The following NPTN variants were observed in gnomAD, a reference collection of about 807,000 sequenced individuals.
NPTN encodes the protein SDR-1.
A neutral mutation model predicts 42.7 loss-of-function variants in NPTN; 5 were observed. That is an observed-to-expected ratio of 0.12 (90% confidence interval 0.06 to 0.25). The LOEUF (loss-of-function observed/expected upper bound fraction) is 0.25. Among genes scored for constraint, NPTN ranks in the 10% least tolerant of loss-of-function variants. The probability of loss-of-function intolerance (pLI) is 1.00; values close to 1 mark genes in which losing one functional copy is unlikely to be tolerated. For missense variants in NPTN, 307 were observed against 525.4 expected (o/e 0.58, Z 4.06); for synonymous variants, 180 against 201.9 (o/e 0.89, Z 0.92).
In NPTN at chr15:73,633,248, C is replaced by T. The variant is rs758929966; in HGVS notation, c.-33G>A. 3 of 1,293,612 alleles carry T rather than the reference C, an allele frequency of 2.3e-6. No individual in the cohort carries two copies. The highest frequency in any genetic ancestry group is 2.8e-5 in the East Asian group (1 of 35,490). The allele number at this position is 1,293,612 out of a possible 1,614,324, so 80.1% of individuals were successfully genotyped here. A position where few individuals can be genotyped will look rare whatever the true frequency, so the allele number is the denominator to read the frequency against. On this transcript the variant is annotated 5_prime_UTR_variant, in exon 1 of 9. Transcript: ENST00000345330. ...AGCAGAAGACCCAACAGCGAATGGG[C>T]CGGGGCCAGAGCCGGGGCCGGGGAA...
intron 3 of NPTN, among the ~76,000 whole-genome samples, chr15:73,589,105 G>C (rs1280034210): frequency 1.3e-5 from 2 of 152,170 alleles, no homozygotes; most frequent in African/African-American, 2.4e-5. Flanking sequence ...GCTGAGGTGT[G>C]TGGACTGCTT....
At position 73,582,099 on chromosome 15, in the gene NPTN, A is replaced by G. The variant is rs191736605; in HGVS notation, c.706+5425T>C. Among the ~76,000 whole-genome samples, 5 of 152,246 alleles carry G rather than the reference A, an allele frequency of 3.3e-5. No individual in the cohort carries two copies. The East Asian group carries it at 9.7e-4, about 29-fold the overall frequency. On this transcript the variant is annotated intron_variant, in intron 4 of 8. Transcript: ENST00000345330. Reference sequence around the variant, plus strand: ...TGTGATCTGCCCGTCTTGGCCTCCCAAAGTGCTGGGATTACAGGCTCAAGA... The same window carrying G: ...TGTGATCTGCCCGTCTTGGCCTCCCGAAGTGCTGGGATTACAGGCTCAAGA...
chr15:73,623,916 T>A (rs983514308), intron 1 of NPTN, among the ~76,000 whole-genome samples: 4 of 152,232 alleles, frequency 2.6e-5, no homozygotes, highest in Admixed American at 2.0e-4. Flanking sequence ...ATTAAAATCA[T>A]CTTAATACTA....
intron 4 of NPTN, among the ~76,000 whole-genome samples, chr15:73,585,574 A>C (rs773692429): frequency 1.8e-4 from 27 of 152,236 alleles, no homozygotes; most frequent in Non-Finnish European, 3.2e-4. Flanking sequence ...AACTGGGAAG[A>C]CAAGACATTA....
intron 1 of NPTN, among the ~76,000 whole-genome samples, chr15:73,614,122 G>A (rs1897737048): frequency 6.6e-6 from 1 of 151,254 alleles, no homozygotes; most frequent in South Asian, 2.1e-4. Flanking sequence ...GATCAGCCAA[G>A]GTAACCAGAC....
At chr15:73,587,959 C>T (rs994216524) in intron 3 of NPTN, among the ~76,000 whole-genome samples, 2 of 152,108 alleles carry the variant, frequency 1.3e-5, no homozygotes, top group African/African-American at 4.8e-5. Flanking sequence ...AAAACCATCA[C>T]GGCTGGGCAC....
At chr15:73,614,289 C>T (rs1293936280) in intron 1 of NPTN, among the ~76,000 whole-genome samples, 3 of 151,556 alleles carry the variant, frequency 2.0e-5, no homozygotes, top group Non-Finnish European at 4.4e-5. Context: ...CACTGCACTT[C>T]AGCCTAGGCA....
At chr15:73,615,508 A>G (rs1184645032) in intron 1 of NPTN, among the ~76,000 whole-genome samples, 1 of 152,178 alleles carries the variant, frequency 6.6e-6, no homozygotes, top group African/African-American at 2.4e-5. Flanking sequence ...TGCCTCACTG[A>G]CAGCAATGCT....
intron 1 of NPTN, among the ~76,000 whole-genome samples, chr15:73,623,538 T>C (rs934799882): frequency 2.6e-5 from 4 of 152,014 alleles, no homozygotes; most frequent in Admixed American, 2.0e-4. Flanking sequence ...AATTCAAAAA[T>C]TAGCCAGGCA....
At chr15:73,579,236 G>A (rs1273127980) in intron 4 of NPTN, among the ~76,000 whole-genome samples, 12 of 147,972 alleles carry the variant, frequency 8.1e-5, no homozygotes, top group African/African-American at 2.3e-4. Flanking sequence ...CTGAGATCGC[G>A]CCACTGCACT....
rs916021462 is a variant in NPTN, at chr15:73,633,017, C to G, written c.91+108G>C. 4.2e-5 allele frequency: 34 copies of G among 807,126 alleles called. No individual in the cohort carries two copies. In the African/African-American group the frequency reaches 5.8e-4, roughly 14 times the overall value. The allele number at this position is 807,126 out of a possible 1,614,324, so 50.0% of individuals were successfully genotyped here. A position where few individuals can be genotyped will look rare whatever the true frequency, so the allele number is the denominator to read the frequency against. On this transcript the variant is annotated intron_variant, in intron 1 of 8. Transcript: ENST00000345330. ...GGACCCGCAGCCCCTCAGACGCCCACTCGGCCCCCTTCCCCGAGCTCCAGC... is the reference window on the plus strand; with the variant it reads ...GGACCCGCAGCCCCTCAGACGCCCAGTCGGCCCCCTTCCCCGAGCTCCAGC...
At chr15:73,572,894 A>T (rs1420159321) in intron 5 of NPTN, among the ~76,000 whole-genome samples, 1 of 152,058 alleles carries the variant, frequency 6.6e-6, no homozygotes, top group Non-Finnish European at 1.5e-5. Flanking sequence ...AGGTGACAGG[A>T]TCATGGGGGC....
intron 4 of NPTN, among the ~76,000 whole-genome samples, chr15:73,582,072 C>G (rs985077460): frequency 1.3e-5 from 2 of 152,162 alleles, no homozygotes; most frequent in Non-Finnish European, 2.9e-5. Context: ...AACTCCCGAC[C>G]TTGTGATCTG....
At chr15:73,592,803 T>C (rs1328012323) in intron 2 of NPTN, among the ~76,000 whole-genome samples, 1 of 152,228 alleles carries the variant, frequency 6.6e-6, no homozygotes, top group South Asian at 2.1e-4. Context: ...GTTTTCAGAA[T>C]TGCACTTTAA....
chr15:73,591,651 G>C (rs1314162571), intron 3 of NPTN: 1 of 184,416 alleles, frequency 5.4e-6, no homozygotes, highest in Non-Finnish European at 1.1e-5. Context: ...ATTAGGTCAA[G>C]AGACTACATT....
chr15:73,583,141 G>A (rs1896138910), intron 4 of NPTN, among the ~76,000 whole-genome samples: 2 of 152,200 alleles, frequency 1.3e-5, no homozygotes, highest in South Asian at 2.1e-4. Context: ...CCTTAAAGAT[G>A]AGCTATCTCA....
At chr15:73,565,201 G>C (rs1894914541) in intron 6 of NPTN, among the ~76,000 whole-genome samples, 1 of 152,148 alleles carries the variant, frequency 6.6e-6, no homozygotes, top group African/African-American at 2.4e-5. Context: ...CTCTTCATCT[G>C]TCTCCCCAAA....
At chr15:73,611,575 T>G (rs1394561644) in intron 1 of NPTN, among the ~76,000 whole-genome samples, 3 of 152,084 alleles carry the variant, frequency 2.0e-5, no homozygotes, top group African/African-American at 7.2e-5. Flanking sequence ...AAAAGATCAG[T>G]GGTCCCAGGA....
chr15:73,607,534 A>G (rs1897347966), intron 1 of NPTN, among the ~76,000 whole-genome samples: 1 of 152,210 alleles, frequency 6.6e-6, no homozygotes, highest in Non-Finnish European at 1.5e-5. Context: ...GTAGTAAGCT[A>G]CTTCTCCCCA....
Sources: allele counts gnomAD v4.1 joint callset (sites outside exome capture counted in the v4.1 genomes callset), GRCh38; gene constraint gnomAD v4.1.1; transcripts MANE v1.5; gene names NCBI Gene and HGNC (gene_info 2026-07-23, HGNC 2026-07-21).